ZNF680: variants seen among roughly 807,000 people sequenced by gnomAD.
ZNF680 encodes the protein hypothetical protein FLJ90430.
A neutral mutation model predicts 12.1 loss-of-function variants in ZNF680; 6 were observed. The observed-to-expected ratio is 0.49, with a 90% CI of 0.27 to 0.98. The LOEUF is 0.98. ZNF680 is among the 50% of genes least tolerant of loss of function. The pLI is 0.12. For missense variants in ZNF680, 561 were observed against 616.3 expected (o/e 0.91, Z 0.95); for synonymous variants, 170 against 199.3 (o/e 0.85, Z 1.24).
chr7:64,515,881 T>A (rs1791343855), downstream of ZNF680, among the ~76,000 whole-genome samples: 1 of 152,036 alleles, frequency 6.6e-6, no homozygotes, highest in South Asian at 2.1e-4. Flanking sequence ...CCCTAATTGG[T>A]CCCAGGCCAA....
At chr7:64,499,423 C>T in the ZNF680 span, among the ~76,000 whole-genome samples, 1 of 152,172 alleles carries the variant, frequency 6.6e-6, no homozygotes, top group Non-Finnish European at 1.5e-5. Flanking sequence ...CACTTCTCTT[C>T]TAATTACAAG....
At chr7:64,506,635 T>A in the ZNF680 span, among the ~76,000 whole-genome samples, 1 of 152,240 alleles carries the variant, frequency 6.6e-6, no homozygotes, top group Non-Finnish European at 1.5e-5. Flanking sequence ...ATTTTATACA[T>A]TCATGCACAG....
the ZNF680 span, among the ~76,000 whole-genome samples, chr7:64,502,871 T>G: frequency 6.6e-6 from 1 of 152,036 alleles, no homozygotes; most frequent in Non-Finnish European, 1.5e-5. Flanking sequence ...ATATATTTTT[T>G]GCTCACATCC....
At chr7:64,554,792 T>C (rs1562775924) in intron 1 of ZNF680, among the ~76,000 whole-genome samples, 1 of 152,068 alleles carries the variant, frequency 6.6e-6, no homozygotes. Context: ...GAAGGCGGCA[T>C]ACTCGTTAAG....
At chr7:64,549,126 A>AG (rs1786935675) in intron 1 of ZNF680, among the ~76,000 whole-genome samples, 2 of 151,330 alleles carry the variant, frequency 1.3e-5, no homozygotes, top group Admixed American at 6.6e-5. Context: ...CCTCAAAAAA[A>AG]GAAAAAAAAA....
At chr7:64,519,480 A>G (rs1268418284), downstream of ZNF680, among the ~76,000 whole-genome samples, 2 of 151,804 alleles carry the variant, frequency 1.3e-5, no homozygotes, top group African/African-American at 4.8e-5. Context: ...CAATCCCACT[A>G]CTGGGTATCT....
intron 3 of ZNF680, among the ~76,000 whole-genome samples, chr7:64,527,164 G>A (rs1791903773): frequency 6.6e-6 from 1 of 152,176 alleles, no homozygotes; most frequent in South Asian, 2.1e-4. Context: ...CTTGAACCCA[G>A]GAGGCGGAGG....
chr7:64,506,640 G>A, the ZNF680 span, among the ~76,000 whole-genome samples: 1 of 151,876 alleles, frequency 6.6e-6, no homozygotes, highest in Admixed American at 6.6e-5. Flanking sequence ...ATACATTCAT[G>A]CACAGATATA....
At chr7:64,527,296 A>T (rs1446347674) in intron 3 of ZNF680, among the ~76,000 whole-genome samples, 1 of 152,158 alleles carries the variant, frequency 6.6e-6, no homozygotes, top group African/African-American at 2.4e-5. Context: ...AACAATGAAA[A>T]AGAAAACATA....
chr7:64,552,740 T>C (rs1008118207), intron 1 of ZNF680, among the ~76,000 whole-genome samples: 1 of 152,210 alleles, frequency 6.6e-6, no homozygotes, highest in Non-Finnish European at 1.5e-5. Flanking sequence ...ATTTAAAAAG[T>C]AGAAATAACA....
rs201113982 is a variant in ZNF680, at chr7:64,521,899, C to T, written c.855G>A (p.Lys285=). ...FSLFSILSKH[K]IIHTGDKPYK... is the part of the protein sequence containing the mutation. Reference sequence around the variant, plus strand: ...AAGGTTTGTCTCCAGTATGAATTATCTTATGTTTACTAAGGATTGAGAATA... The same window carrying T: ...AAGGTTTGTCTCCAGTATGAATTATTTTATGTTTACTAAGGATTGAGAATA... Residue 285 remains lysine, a synonymous_variant, in exon 4 of 4, where the codon AAG becomes AAA. Transcript: ENST00000309683. 12 of 1,613,218 alleles carry T rather than the reference C, an allele frequency of 7.4e-6. No individual in the cohort carries two copies. In the Admixed American group the frequency reaches 1.3e-4, roughly 18 times the overall value.
At chr7:64,526,560 TAAA>T in intron 3 of ZNF680, 2 of 352,378 alleles carry the variant, frequency 5.7e-6, no homozygotes, top group Non-Finnish European at 1.0e-5. Context: ...GTCCATTATT[TAAA>T]AAAAAAAAAT....
At chr7:64,555,974 TCAA>T (rs1787392708) in intron 1 of ZNF680, among the ~76,000 whole-genome samples, 1 of 151,332 alleles carries the variant, frequency 6.6e-6, no homozygotes, top group South Asian at 2.1e-4. Flanking sequence ...TCTCTGAACA[TCAA>T]CAACATTCAA....
intron 1 of ZNF680, among the ~76,000 whole-genome samples, chr7:64,557,046 T>C (rs1001442168): frequency 2.6e-5 from 4 of 152,070 alleles, no homozygotes; most frequent in South Asian, 4.2e-4. Flanking sequence ...GCCAGGAGAT[T>C]GAGACCATCC....
intron 3 of ZNF680, among the ~76,000 whole-genome samples, chr7:64,541,495 G>C (rs561392060): frequency 6.6e-6 from 1 of 152,246 alleles, no homozygotes; most frequent in East Asian, 1.9e-4. Flanking sequence ...CTTCAGGCCA[G>C]GATTTCAAGA....
intron 3 of ZNF680, among the ~76,000 whole-genome samples, chr7:64,534,574 TA>T (rs1014010944): frequency 1.3e-5 from 2 of 152,172 alleles, no homozygotes; most frequent in Non-Finnish European, 2.9e-5. Context: ...GAATGTAAAC[TA>T]GTACAACCAC....
chr7:64,513,025 C>T, the ZNF680 span, among the ~76,000 whole-genome samples: 1 of 152,162 alleles, frequency 6.6e-6, no homozygotes, highest in Non-Finnish European at 1.5e-5. Flanking sequence ...TTGTAAACTG[C>T]TCCTTTGGCC....
At chr7:64,509,705 C>A in the ZNF680 span, among the ~76,000 whole-genome samples, 1 of 152,046 alleles carries the variant, frequency 6.6e-6, no homozygotes, top group African/African-American at 2.4e-5. Context: ...TCCAGCAGGG[C>A]AAAAGGCTAG....
intron 3 of ZNF680, among the ~76,000 whole-genome samples, chr7:64,540,215 T>C (rs1431917764): frequency 6.6e-6 from 1 of 150,512 alleles, no homozygotes; most frequent in Non-Finnish European, 1.5e-5. Context: ...ACCTACAAAA[T>C]AAGCCATAAC....
Sources: gnomAD v4.1 joint callset for allele counts (sites outside exome capture counted in the v4.1 genomes callset) on GRCh38, gnomAD v4.1.1 for gene constraint, MANE v1.5 for transcripts, NCBI Gene and HGNC (gene_info 2026-07-23, HGNC 2026-07-21) for gene names.